The following ZNF236 variants were observed in gnomAD, a reference collection of about 807,000 sequenced individuals.
ZNF236 encodes the protein regulated by glucose.
ZNF236 carries 50 observed loss-of-function variants against 191.2 expected under a neutral mutation model. The ratio of observed to expected loss-of-function variants is 0.26; its 90% confidence interval spans 0.21 to 0.33. The LOEUF (loss-of-function observed/expected upper bound fraction) is 0.33. Ranked by LOEUF, ZNF236 falls within the 10% of genes least tolerant of loss-of-function variation. ZNF236 has a pLI of 1.00. For missense variants in ZNF236, 1,754 were observed against 2,374.5 expected (o/e 0.74, Z 5.43); for synonymous variants, 907 against 928.8 (o/e 0.98, Z 0.43).
chr18:76,947,678 AGCTTTTGTC>A, intron 27 of ZNF236, 26 bp downstream of exon 27: 1 of 1,609,822 alleles, frequency 6.2e-7, no homozygotes, highest in Non-Finnish European at 8.5e-7. Flanking sequence ...TCATTCACAG[AGCTTTTGTC>A]GCTTTTAAAA....
intron 3 of ZNF236, among the ~76,000 whole-genome samples, chr18:76,864,759 A>C (rs1410905256): frequency 6.6e-6 from 1 of 151,536 alleles, no homozygotes; most frequent in Non-Finnish European, 1.5e-5. Context: ...AATGGAAATA[A>C]GGTTTTCCGT....
At chr18:76,934,297 C>T (rs1175447688) in intron 25 of ZNF236, among the ~76,000 whole-genome samples, 1 of 152,202 alleles carries the variant, frequency 6.6e-6, no homozygotes, top group Non-Finnish European at 1.5e-5. Flanking sequence ...AAGACTATTT[C>T]AGAGTTTCAT....
Position 76,899,081 on chromosome 18 carries a change from A to T in ZNF236, c.1753A>T (p.Thr585Ser). ...ATTTCGAACCTCAGGCCATAGGAAG[A>T]CTCACATTGCTTCCCACTTTAAACA... Reference protein sequence around the residue: ...KKFRTSGHRKTHIASHFKHTE... With the variant: ...KKFRTSGHRKSHIASHFKHTE... Residue 585 changes from threonine to serine, a missense_variant, in exon 11 of 31, where the codon ACT (threonine) becomes TCT (serine). Thr to Ser is a moderately conservative substitution (Grantham distance 58, BLOSUM62 1). This residue lies in a region of ZNF236 where 641 missense variants were observed against 869.6 expected (regional missense o/e 0.74). Transcript: ENST00000320610. The T allele has an allele frequency of 6.2e-7, 1 of 1,614,150 alleles. No individual in the cohort carries two copies. Among genetic ancestry groups the T allele is most frequent in the Non-Finnish European group, 8.5e-7 (1 of 1,180,006 alleles).
chr18:76,921,637 C>T (rs1006257746), intron 20 of ZNF236, among the ~76,000 whole-genome samples: 2 of 151,044 alleles, frequency 1.3e-5, no homozygotes, highest in Admixed American at 6.6e-5. Flanking sequence ...GTGGGTGGGG[C>T]GTGCCAGCCA....
At chr18:76,947,417 C>G in intron 26 of ZNF236, 104 bp from the exon 27 acceptor site, 1 of 1,387,736 alleles carries the variant, frequency 7.2e-7, no homozygotes, top group Non-Finnish European at 9.7e-7. Flanking sequence ...TTTTGAGGAG[C>G]TACCAGCTTG....
In ZNF236 at chr18:76,947,633, G is replaced by A; in HGVS notation, c.4895G>A (p.Cys1632Tyr). ...SHTPQSASAA[C>Y]EEIAYQVAGV... ...ACGCCACAGTCAGCGTCTGCTGCTT[G>A]TGAAGAAATAGCCTACCAGGTACAG... Residue 1632 changes from cysteine (C) to tyrosine (Y), a missense_variant, in exon 27 of 31, where the codon TGT becomes TAT. This residue lies in a region of ZNF236 where 606 missense variants were observed against 761.5 expected (regional missense o/e 0.80). Transcript: ENST00000320610. 1 of 1,613,700 alleles carries A rather than the reference G, an allele frequency of 6.2e-7. No homozygotes were observed. Among genetic ancestry groups the A allele is most frequent in the Non-Finnish European group, 8.5e-7 (1 of 1,179,834 alleles).
In ZNF236 at chr18:76,895,162, G is replaced by A. The variant is rs776507497; in HGVS notation, c.1567G>A (p.Val523Met). The A allele has an allele frequency of 1.9e-6, 3 of 1,607,838 alleles. No individual in the cohort carries two copies. Among genetic ancestry groups the A allele is most frequent in the Non-Finnish European group, 2.5e-6 (3 of 1,179,986 alleles). Residue 523 changes from valine (V) to methionine (M), a missense_variant, in exon 10 of 31, where the codon GTG (valine) becomes ATG (methionine). Physicochemically the swap from Val to Met is conservative, Grantham distance 21. This residue lies in a region of ZNF236 where 641 missense variants were observed against 869.6 expected (regional missense o/e 0.74). Coordinates refer to ENST00000320610, the MANE Select transcript of ZNF236 (RefSeq NM_001306089.2). Reference protein sequence around the residue: ...KCPQCFRAFAVKSTLTAHIKT... With the variant: ...KCPQCFRAFAMKSTLTAHIKT... ...CCCGCAGTGCTTCCGCGCCTTCGCCGTGAAGAGCACGCTGACAGCGCACAT... is the reference window on the plus strand; with the variant it reads ...CCCGCAGTGCTTCCGCGCCTTCGCCATGAAGAGCACGCTGACAGCGCACAT...
At chr18:76,902,040 A>G (rs1977608886) in intron 11 of ZNF236, among the ~76,000 whole-genome samples, 1 of 152,118 alleles carries the variant, frequency 6.6e-6, no homozygotes, top group Non-Finnish European at 1.5e-5. Context: ...CTCTTCAGCA[A>G]TTTTTCAGGG....
intron 27 of ZNF236, among the ~76,000 whole-genome samples, chr18:76,952,714 A>G (rs1182284001): frequency 6.6e-6 from 1 of 152,204 alleles, no homozygotes; most frequent in Non-Finnish European, 1.5e-5. Flanking sequence ...AGGCTGAGGC[A>G]GGAGGACTGC....
At chr18:76,959,529 T>C (rs1193904725) in intron 28 of ZNF236, among the ~76,000 whole-genome samples, 158 bp from the exon 29 acceptor site, 1 of 152,332 alleles carries the variant, frequency 6.6e-6, no homozygotes, top group East Asian at 1.9e-4. Flanking sequence ...CTGTTGTCAC[T>C]ACCGATGCAT....
At chr18:76,861,327 C>T (rs1410738359) in intron 3 of ZNF236, among the ~76,000 whole-genome samples, 1 of 152,120 alleles carries the variant, frequency 6.6e-6, no homozygotes, top group Non-Finnish European at 1.5e-5. Context: ...CCATGGTTTA[C>T]AGTGAGAACG....
At chr18:76,853,266 A>G (rs1975934889) in intron 3 of ZNF236, among the ~76,000 whole-genome samples, 1 of 151,828 alleles carries the variant, frequency 6.6e-6, no homozygotes, top group Admixed American at 6.6e-5. Flanking sequence ...TTTAGTAGAG[A>G]TAGGGTTTCA....
chr18:76,849,431 A>G, intron 1 of ZNF236, 95 bp from the exon 2 acceptor site: 2 of 983,688 alleles, frequency 2.0e-6, no homozygotes, highest in Non-Finnish European at 2.9e-6. Flanking sequence ...TCTCTGACAT[A>G]ATTTGGTTTT....
Position 76,925,475 on chromosome 18 carries a change from T to C in ZNF236, c.3948T>C (p.Ser1316=). The C allele has an allele frequency of 1.2e-6, 2 of 1,614,214 alleles. No individual in the cohort carries two copies. Among genetic ancestry groups the C allele is most frequent in the South Asian group, 1.1e-5 (1 of 91,084 alleles). Residue 1316 remains serine, a synonymous_variant, in exon 22 of 31, where the codon TCT becomes TCC. Transcript: ENST00000320610. The surrounding 1 kb of genome is among the most constrained non-coding windows in gnomAD (Gnocchi z 5.7). ...TDPNVFIMNN[S]VLTGQFDQNL... is the part of the protein sequence containing the mutation. ...CAAACGTGTTTATCATGAACAACTCTGTTCTAACAGGACAGTTTGATCAGA... is the reference window on the plus strand; with the variant it reads ...CAAACGTGTTTATCATGAACAACTCCGTTCTAACAGGACAGTTTGATCAGA...
Position 76,880,789 on chromosome 18 carries a change from C to T in ZNF236, c.1188+473C>T, listed in dbSNP as rs1284757969. Among the ~76,000 whole-genome samples, 1 of 152,122 alleles carries T rather than the reference C, an allele frequency of 6.6e-6. No individual in the cohort carries two copies. Among genetic ancestry groups the T allele is most frequent in the African/African-American group, 2.4e-5 (1 of 41,414 alleles). ...GCAGGAGCGCAGAGCCCCCAGCTTT[C>T]TAGTCCACCGTGACTTCACACTAAC... On this transcript the variant is annotated intron_variant, in intron 8 of 30. Transcript: ENST00000320610. The surrounding 1 kb of genome is among the most constrained non-coding windows in gnomAD (Gnocchi z 5.0).
chr18:76,931,433 A>G (rs1967842882), intron 25 of ZNF236, among the ~76,000 whole-genome samples: 1 of 152,194 alleles, frequency 6.6e-6, no homozygotes, highest in African/African-American at 2.4e-5. Flanking sequence ...TTACCAACCA[A>G]TCGATGATGT....
intron 9 of ZNF236, among the ~76,000 whole-genome samples, chr18:76,882,568 T>C (rs543758255): frequency 2.0e-5 from 3 of 152,326 alleles, no homozygotes; most frequent in African/African-American, 7.2e-5. Flanking sequence ...CTTTCCCAGT[T>C]GTCTTGGGGA....
At chr18:76,946,985 A>G (rs559074851) in intron 26 of ZNF236, among the ~76,000 whole-genome samples, 1 of 152,152 alleles carries the variant, frequency 6.6e-6, no homozygotes, top group Non-Finnish European at 1.5e-5. Context: ...AGAACGTTTC[A>G]TCACCCCTTA....
intron 1 of ZNF236, among the ~76,000 whole-genome samples, chr18:76,832,726 A>G (rs1599310587): frequency 1.3e-5 from 2 of 152,090 alleles, no homozygotes; most frequent in Non-Finnish European, 2.9e-5. Flanking sequence ...TTTCAATTTC[A>G]TGTAGATTTT....
Sources: allele counts gnomAD v4.1 joint callset (sites outside exome capture counted in the v4.1 genomes callset), GRCh38; gene constraint gnomAD v4.1.1; regional missense constraint gnomAD v4.1.1; non-coding constraint Gnocchi (gnomAD v3.1); transcripts MANE v1.5; gene names NCBI Gene and HGNC (gene_info 2026-07-23, HGNC 2026-07-21).